Variants in LMX1B observed in about 807,000 individuals in gnomAD.
LMX1B encodes the protein LIM homeobox transcription factor 1 beta.
A neutral mutation model predicts 51.4 loss-of-function variants in LMX1B; 12 were observed. The ratio of observed to expected loss-of-function variants is 0.23; its 90% CI spans 0.15 to 0.38. The LOEUF is 0.38. Ranked by LOEUF, LMX1B falls within the 10% of genes least tolerant of loss-of-function variation. The pLI is 1.00. For missense variants in LMX1B, 445 were observed against 571.1 expected (o/e 0.78, Z 2.25); for synonymous variants, 237 against 235.4 (o/e 1.01, Z -0.06).
At chr9:126,685,401 G>A (rs1035047450) in intron 2 of LMX1B, among the ~76,000 whole-genome samples, 45 of 152,182 alleles carry the variant, frequency 3.0e-4, no homozygotes, top group East Asian at 1.9e-4. Context: ...ACTCTTGGAC[G>A]TTCAGAAATG....
intron 2 of LMX1B, among the ~76,000 whole-genome samples, chr9:126,674,463 C>A (rs1250496310): frequency 6.6e-6 from 1 of 152,188 alleles, no homozygotes; most frequent in African/African-American, 2.4e-5. Context: ...CTGGGGCCAC[C>A]TGTGGGGCAG....
rs1332064269 is a variant in LMX1B at position 126,695,598 on chromosome 9, A to G, written c.887-241A>G. On this transcript the variant is annotated intron_variant, in intron 6 of 7. Transcript: ENST00000373474. The surrounding 1 kb of genome is among the most constrained non-coding windows in gnomAD (Gnocchi z 5.2). Reference sequence around the variant, plus strand: ...TCTGCCGCCTCCCTGGATCCCCTGGAGGGGCGGGGTGGTGGGAGGAAAGAA... The same window carrying G: ...TCTGCCGCCTCCCTGGATCCCCTGGGGGGGCGGGGTGGTGGGAGGAAAGAA... Among the ~76,000 whole-genome samples, 1 of 151,804 alleles carries G rather than the reference A, an allele frequency of 6.6e-6. No homozygotes were observed. Among genetic ancestry groups the G allele is most frequent in the Admixed American group, 6.6e-5 (1 of 15,258 alleles).
intron 2 of LMX1B, among the ~76,000 whole-genome samples, chr9:126,676,201 C>A (rs1836558662): frequency 6.6e-6 from 1 of 152,202 alleles, no homozygotes; most frequent in Non-Finnish European, 1.5e-5. Context: ...CTCCTTGTTT[C>A]TCAGGACCTT....
chr9:126,680,065 C>T (rs1293072422), intron 2 of LMX1B, among the ~76,000 whole-genome samples: 1 of 152,258 alleles, frequency 6.6e-6, no homozygotes, highest in Non-Finnish European at 1.5e-5. Flanking sequence ...CCAAAGGCCT[C>T]TGCCTCCCGT....
At chr9:126,614,648 T>C in intron 1 of LMX1B, 60 bp downstream of exon 1, 1 of 1,464,768 alleles carries the variant, frequency 6.8e-7, no homozygotes, top group Non-Finnish European at 9.1e-7. Context: ...GTCGTCCGGC[T>C]GTGGACACGG....
At chr9:126,666,959 G>A (rs921448519) in intron 2 of LMX1B, among the ~76,000 whole-genome samples, 4 of 152,188 alleles carry the variant, frequency 2.6e-5, no homozygotes, top group African/African-American at 4.8e-5. Flanking sequence ...AGCTTAGGGC[G>A]AAATGACAAA....
intron 2 of LMX1B, among the ~76,000 whole-genome samples, chr9:126,638,079 G>A (rs901927726): frequency 2.2e-4 from 33 of 152,058 alleles, no homozygotes; most frequent in Admixed American, 6.5e-4. Context: ...GTCTGGAAGC[G>A]CCCAGGCTGC....
At chr9:126,685,048 G>T (rs1836746486) in intron 2 of LMX1B, among the ~76,000 whole-genome samples, 1 of 152,194 alleles carries the variant, frequency 6.6e-6, no homozygotes, top group African/African-American at 2.4e-5. Context: ...CTCCATGCCA[G>T]TAAATTAGAC....
At chr9:126,640,287 C>G (rs1835785323) in intron 2 of LMX1B, among the ~76,000 whole-genome samples, 1 of 152,216 alleles carries the variant, frequency 6.6e-6, no homozygotes, top group African/African-American at 2.4e-5. Context: ...GAGGGACCAG[C>G]GGGCAGCCCT....
intron 2 of LMX1B, among the ~76,000 whole-genome samples, chr9:126,643,563 T>A (rs1288106816): frequency 6.6e-6 from 1 of 152,162 alleles, no homozygotes; most frequent in Non-Finnish European, 1.5e-5. Flanking sequence ...GCTGAGCAGC[T>A]CAACAAATTA....
chr9:126,651,537 C>T lies in LMX1B; in HGVS notation c.326+35968C>T, dbSNP rs376459079. On this transcript the variant is annotated intron_variant, in intron 2 of 7. Transcript: ENST00000373474. ...CCTTGGAGCCCACCTTCTTCTCCCC[C>T]CCTCCCAACAACACACACACCTGAG... 2.0e-5 allele frequency among the ~76,000 whole-genome samples: 3 copies of T among 152,178 alleles called. No individual in the cohort carries two copies. The South Asian group carries it at 6.2e-4, about 32-fold the overall frequency.
rs147822447 is a variant in LMX1B at position 126,628,229 on chromosome 9, G to C, written c.326+12660G>C. On this transcript the variant is annotated intron_variant, in intron 2 of 7. Transcript: ENST00000373474. Reference sequence around the variant, plus strand: ...AGAGGCCTGGCTGGGGACTCAGAGGGCCAGTGGGCTGCTAGGACCTCTCAA... The same window carrying C: ...AGAGGCCTGGCTGGGGACTCAGAGGCCCAGTGGGCTGCTAGGACCTCTCAA... 8.7e-3 allele frequency among the ~76,000 whole-genome samples: 1,324 copies of C among 152,272 alleles called. 17 individuals carry two copies. The highest frequency in any genetic ancestry group is 0.013 in the Non-Finnish European group (902 of 68,016).
intron 2 of LMX1B, among the ~76,000 whole-genome samples, chr9:126,659,847 G>A (rs997430700): frequency 2.0e-5 from 3 of 151,848 alleles, no homozygotes; most frequent in Non-Finnish European, 2.9e-5. Flanking sequence ...TGTCCTGTGT[G>A]GGAGTGTCTG....
At chr9:126,646,874 G>A (rs1360627301) in intron 2 of LMX1B, among the ~76,000 whole-genome samples, 1 of 151,750 alleles carries the variant, frequency 6.6e-6, no homozygotes, top group Non-Finnish European at 1.5e-5. Flanking sequence ...CTAACACTGA[G>A]GTCACAGTCT....
At position 126,682,517 on chromosome 9, in the gene LMX1B, G is replaced by A. The variant is rs373890736; in HGVS notation, c.327-8319G>A. Among the ~76,000 whole-genome samples, 60 of 152,336 alleles carry A rather than the reference G, an allele frequency of 3.9e-4. No homozygotes were observed. The East Asian group carries it at 4.4e-3, about 11-fold the overall frequency. On this transcript the variant is annotated intron_variant, in intron 2 of 7. Transcript: ENST00000373474. ...CCACGGGTAAGAAGGAACTGGGGGT[G>A]GGGGCATTGGGAGGGGCTGTCTCTC...
chr9:126,692,339 G>T (rs541548129), intron 3 of LMX1B, among the ~76,000 whole-genome samples: 186 of 152,368 alleles, frequency 1.2e-3, no homozygotes, highest in Middle Eastern at 3.4e-3. Context: ...CAGCCTGGGG[G>T]GCAGCGGGAG....
intron 2 of LMX1B, among the ~76,000 whole-genome samples, chr9:126,643,188 G>C (rs1835839114): frequency 6.6e-6 from 1 of 152,148 alleles, no homozygotes; most frequent in Admixed American, 6.5e-5. Context: ...CAGTTCTCCA[G>C]GTAGCTGGAT....
intron 2 of LMX1B, among the ~76,000 whole-genome samples, chr9:126,643,100 T>A (rs1835837288): frequency 6.6e-6 from 1 of 152,158 alleles, no homozygotes; most frequent in African/African-American, 2.4e-5. Context: ...AGGGGCCTGA[T>A]AAGATCTTCA....
intron 2 of LMX1B, among the ~76,000 whole-genome samples, chr9:126,683,643 C>T (rs1836719051): frequency 6.6e-6 from 1 of 152,198 alleles, no homozygotes; most frequent in Admixed American, 6.5e-5. Flanking sequence ...ACACTGAGCG[C>T]TTACTGTCCG....
Sources: gnomAD v4.1 joint callset for allele counts (sites outside exome capture counted in the v4.1 genomes callset) on GRCh38, gnomAD v4.1.1 for gene constraint, Gnocchi (gnomAD v3.1) non-coding constraint, MANE v1.5 for transcripts, NCBI Gene and HGNC (gene_info 2026-07-23, HGNC 2026-07-21) for gene names.